TCAIM: variants seen among roughly 807,000 people sequenced by gnomAD.
The protein encoded by TCAIM is T-cell activation inhibitor, mitochondrial.
Under a neutral mutation model 58.6 loss-of-function variants are expected in TCAIM, and 36 were observed. That is an observed-to-expected ratio of 0.61 (90% CI 0.47 to 0.81). TCAIM has a LOEUF of 0.81. Among genes scored for constraint, TCAIM ranks in the 30% least tolerant of loss-of-function variants. The pLI is 0.00. For missense variants in TCAIM, 466 were observed against 579.6 expected, an observed-to-expected ratio of 0.80 and a Z score of 2.01; for synonymous variants, 172 against 193.6, an observed-to-expected ratio of 0.89 and a Z score of 0.93.
intron 1 of TCAIM, among the ~76,000 whole-genome samples, chr3:44,345,049 A>G (rs1287678147): frequency 6.6e-6 from 1 of 152,174 alleles, no homozygotes; most frequent in Non-Finnish European, 1.5e-5. Context: ...TACATTAATA[A>G]GAAAAATAAA....
chr3:44,370,754 C>CTTT (rs1331295394), intron 5 of TCAIM, among the ~76,000 whole-genome samples: 217 of 53,588 alleles, frequency 4.0e-3, no homozygotes, highest in African/African-American at 0.013. Context: ...TTCTTTCTTT[C>CTTT]TTTTTTTTTG....
intron 5 of TCAIM, among the ~76,000 whole-genome samples, chr3:44,387,103 G>C: frequency 6.6e-6 from 1 of 152,156 alleles, no homozygotes; most frequent in African/African-American, 2.4e-5. Flanking sequence ...GGGACTACCA[G>C]CTGCGGGAAG....
intron 1 of TCAIM, among the ~76,000 whole-genome samples, chr3:44,349,813 T>C (rs747875234): frequency 4.6e-5 from 7 of 151,926 alleles, no homozygotes; most frequent in Admixed American, 3.9e-4. Flanking sequence ...GGCACCAAAA[T>C]TGAAAGGAGA....
At position 44,408,853 on chromosome 3, in the gene TCAIM, TCCCCAGCACAG is replaced by T. The variant is rs1702139944; in HGVS notation, c.*1174_*1184del. 1 of 152,160 alleles carries T rather than the reference TCCCCAGCACAG, an allele frequency of 6.6e-6. No individual in the cohort carries two copies. Among genetic ancestry groups the T allele is most frequent in the Admixed American group, 6.5e-5 (1 of 15,278 alleles). The allele number at this position is 152,160 out of a possible 1,614,324, so 9.4% of individuals were successfully genotyped here. On this transcript the variant is annotated 3_prime_UTR_variant, in exon 11 of 11. Coordinates refer to ENST00000342649, the MANE Select transcript of TCAIM (RefSeq NM_173826.4). Reference sequence around the variant, plus strand: ...ATTCAACCCCAAGTGGTTGATGGTGTCCCCAGCACAGCCGAGAGACCTGATCTCTGGATTCA... The same window carrying T: ...ATTCAACCCCAAGTGGTTGATGGTGTCCGAGAGACCTGATCTCTGGATTCA...
At chr3:44,380,584 A>T (rs1701640387) in intron 5 of TCAIM, among the ~76,000 whole-genome samples, 1 of 152,126 alleles carries the variant, frequency 6.6e-6, no homozygotes, top group Admixed American at 6.5e-5. Context: ...ACCTTATGGG[A>T]TTAGAGAAAA....
intron 4 of TCAIM, 65 bp from the exon 5 acceptor site, chr3:44,367,391 T>C (rs1161924092): frequency 6.7e-7 from 1 of 1,499,046 alleles, no homozygotes. Flanking sequence ...ATTTTGATTT[T>C]ATATATGTTG....
Position 44,358,540 on chromosome 3 carries a change from A to ACTTACATAG in TCAIM, c.165+666_165+674dup, listed in dbSNP as rs1701242103. The stretch of plus-strand genomic sequence containing the variant: ...CCCTGAACAACACAGGATAACAACT[A>ACTTACATAG]CTTACATAGCACTTACATTATATTA... On this transcript the variant is annotated intron_variant, in intron 3 of 10. Transcript: ENST00000342649. 6.8e-5 allele frequency: 27 copies of ACTTACATAG among 396,114 alleles called. No individual in the cohort carries two copies. In the South Asian group the frequency reaches 1.3e-3, roughly 19 times the overall value. The allele number at this position is 396,114 out of a possible 1,614,324, so 24.5% of individuals were successfully genotyped here.
chr3:44,383,657 T>TACCAC (rs1475093254), intron 5 of TCAIM, among the ~76,000 whole-genome samples: 1 of 151,948 alleles, frequency 6.6e-6, no homozygotes, highest in African/African-American at 2.4e-5. Context: ...ATGTACTTAA[T>TACCAC]ACCACTGAAC....
intron 1 of TCAIM, among the ~76,000 whole-genome samples, chr3:44,352,763 A>G (rs1423779462): frequency 6.6e-6 from 1 of 152,038 alleles, no homozygotes; most frequent in Non-Finnish European, 1.5e-5. Flanking sequence ...ACTGCCCTAA[A>G]AATCCTCTGA....
chr3:44,383,707 T>G (rs1288532949), intron 5 of TCAIM, among the ~76,000 whole-genome samples: 1 of 150,176 alleles, frequency 6.7e-6, no homozygotes, highest in Admixed American at 6.8e-5. Flanking sequence ...GTGCAGTGGC[T>G]TATGCCTGTA....
rs532722778 is a variant in TCAIM, at chr3:44,354,676, T to C, written c.-44-63T>C. 13 of 1,125,872 alleles carry C rather than the reference T, an allele frequency of 1.2e-5. No homozygotes were observed. In the African/African-American group the frequency reaches 1.7e-4, roughly 15 times the overall value. The allele number at this position is 1,125,872 out of a possible 1,614,324, so 69.7% of individuals were successfully genotyped here. On this transcript the variant is annotated intron_variant, in intron 1 of 10. Coordinates refer to ENST00000342649, the MANE Select transcript of TCAIM (RefSeq NM_173826.4). ...TCATATTTTGGGGTGATAATATAAATCGCAATGTGTTTTACATTTAAAATT... is the reference window on the plus strand; with the variant it reads ...TCATATTTTGGGGTGATAATATAAACCGCAATGTGTTTTACATTTAAAATT...
chr3:44,393,792 G>A (rs1701879993), intron 6 of TCAIM, among the ~76,000 whole-genome samples: 1 of 152,074 alleles, frequency 6.6e-6, no homozygotes, highest in South Asian at 2.1e-4. Flanking sequence ...TAAAAGATTA[G>A]TATTTGAGTT....
At chr3:44,358,214 A>G in intron 3 of TCAIM, 1 of 1,513,976 alleles carries the variant, frequency 6.6e-7, no homozygotes, top group Non-Finnish European at 8.9e-7. Context: ...TTTTTTTTTT[A>G]AGGATGATAC....
chr3:44,383,809 C>CAAAAAAA (rs71089100), intron 5 of TCAIM, among the ~76,000 whole-genome samples: 6 of 95,384 alleles, frequency 6.3e-5, no homozygotes, highest in African/African-American at 1.7e-4. Context: ...CCTGTCTCTA[C>CAAAAAAA]AAAAAAAAAA....
intron 5 of TCAIM, among the ~76,000 whole-genome samples, chr3:44,383,837 TAAATTAGCCAAGC>T (rs1701693702): frequency 6.9e-6 from 1 of 144,810 alleles, no homozygotes; most frequent in African/African-American, 2.6e-5. Context: ...AAAAAAAATT[TAAATTAGCCAAGC>T]TAATTAGCCA....
intron 4 of TCAIM, 70 bp downstream of exon 4, chr3:44,361,588 CCA>C: frequency 7.4e-7 from 1 of 1,342,824 alleles, no homozygotes; most frequent in South Asian, 2.1e-5. Flanking sequence ...TTTGACATTG[CCA>C]GAATACCTTT....
intron 5 of TCAIM, among the ~76,000 whole-genome samples, chr3:44,387,057 A>G (rs1172329098): frequency 6.6e-6 from 1 of 152,190 alleles, no homozygotes; most frequent in Non-Finnish European, 1.5e-5. Flanking sequence ...CTGAGCACAT[A>G]AAAACCCCAA....
chr3:44,367,355 T>G (rs1280037442), intron 4 of TCAIM, 101 bp from the exon 5 acceptor site: 1 of 1,331,322 alleles, frequency 7.5e-7, no homozygotes, highest in East Asian at 2.6e-5. Flanking sequence ...AGGACGAATT[T>G]AAATCAGTAA....
chr3:44,388,752 G>A (rs1042552960), intron 5 of TCAIM, among the ~76,000 whole-genome samples: 2 of 151,954 alleles, frequency 1.3e-5, no homozygotes, highest in Non-Finnish European at 2.9e-5. Context: ...CTTCATATGG[G>A]GACTATGTGA....
Sources: allele counts gnomAD v4.1 joint callset (sites outside exome capture counted in the v4.1 genomes callset), GRCh38; gene constraint gnomAD v4.1.1; transcripts MANE v1.5; gene names NCBI Gene and HGNC (gene_info 2026-07-23, HGNC 2026-07-21).